Variants in MTMR7 observed in about 807,000 individuals in gnomAD.
MTMR7 encodes phosphatidylinositol-3-phosphate phosphatase MTMR7.
Under a neutral mutation model 81.2 loss-of-function variants are expected in MTMR7, and 76 were observed. The observed-to-expected ratio is 0.94, with a 90% CI of 0.78 to 1.13. MTMR7 has a LOEUF of 1.13. Among genes scored for constraint, MTMR7 ranks in the 50% most tolerant of loss-of-function variants. The pLI is 0.00. For missense variants in MTMR7, 1,044 were observed against 820.0 expected, an observed-to-expected ratio of 1.27 and a Z score of -3.34; for synonymous variants, 372 against 289.8, an observed-to-expected ratio of 1.28 and a Z score of -2.88.
chr8:17,307,614 T>C (rs1327759434), intron 10 of MTMR7, among the ~76,000 whole-genome samples: 1 of 152,092 alleles, frequency 6.6e-6, no homozygotes, highest in Non-Finnish European at 1.5e-5. Flanking sequence ...CTATTCACAA[T>C]AGCAAAGACT....
chr8:17,385,497 C>T (rs570800428), intron 1 of MTMR7, among the ~76,000 whole-genome samples: 1 of 152,172 alleles, frequency 6.6e-6, no homozygotes, highest in African/African-American at 2.4e-5. Flanking sequence ...TCTTGCCCAC[C>T]ACCACGTAAG....
At chr8:17,348,186 C>T (rs1342652107) in intron 5 of MTMR7, among the ~76,000 whole-genome samples, 1 of 152,092 alleles carries the variant, frequency 6.6e-6, no homozygotes, top group Non-Finnish European at 1.5e-5. Flanking sequence ...AAAACCCATG[C>T]TCTCTATAAC....
intron 4 of MTMR7, among the ~76,000 whole-genome samples, chr8:17,360,320 G>A (rs922282612): frequency 6.6e-6 from 1 of 152,042 alleles, no homozygotes; most frequent in African/African-American, 2.4e-5. Context: ...GCAGTTTTAG[G>A]TGATTTAATA....
chr8:17,392,139 C>A (rs896147460), intron 1 of MTMR7, among the ~76,000 whole-genome samples: 2 of 152,086 alleles, frequency 1.3e-5, no homozygotes, highest in African/African-American at 4.8e-5. Context: ...TACTTCACAG[C>A]TTGTCCTGTT....
intron 6 of MTMR7, chr8:17,339,037 C>G (rs1367251354): frequency 6.6e-6 from 1 of 152,154 alleles, no homozygotes; most frequent in Non-Finnish European, 1.5e-5. Context: ...AATCATAATA[C>G]TTGGTGACAT....
chr8:17,305,366 A>G (rs1466584934), intron 11 of MTMR7, among the ~76,000 whole-genome samples: 1 of 152,236 alleles, frequency 6.6e-6, no homozygotes, highest in East Asian at 1.9e-4. Context: ...TTTAATCTGA[A>G]TAAATTCTGG....
At chr8:17,413,239 C>T (rs369991745) in intron 1 of MTMR7, 30 bp downstream of exon 1, 239 of 1,547,978 alleles carry the variant, frequency 1.5e-4, no homozygotes, top group Non-Finnish European at 1.9e-4. Context: ...CTCCTCCCGT[C>T]CCTCCTCCGC....
intron 3 of MTMR7, among the ~76,000 whole-genome samples, 190 bp from the exon 4 acceptor site, chr8:17,361,464 C>A (rs1224302999): frequency 6.6e-6 from 1 of 152,158 alleles, no homozygotes; most frequent in Non-Finnish European, 1.5e-5. Context: ...GACAAGATGA[C>A]CTTGGGGTAC....
intron 1 of MTMR7, among the ~76,000 whole-genome samples, chr8:17,404,169 G>C (rs184210070): frequency 6.6e-6 from 1 of 152,294 alleles, no homozygotes; most frequent in South Asian, 2.1e-4. Context: ...GACCAGGCAA[G>C]AGTTGACAGT....
intron 1 of MTMR7, among the ~76,000 whole-genome samples, chr8:17,396,181 A>G (rs1269739925): frequency 6.6e-6 from 1 of 152,152 alleles, no homozygotes; most frequent in Non-Finnish European, 1.5e-5. Flanking sequence ...ATGACCAAAT[A>G]GAAGCCTCCA....
intron 7 of MTMR7, among the ~76,000 whole-genome samples, chr8:17,315,997 C>CAA: frequency 6.6e-6 from 1 of 152,160 alleles, no homozygotes; most frequent in East Asian, 1.9e-4. Context: ...TGGGTGATGA[C>CAA]AGAGCCAGAT....
chr8:17,309,177 A>T, intron 10 of MTMR7, 100 bp downstream of exon 10: 1 of 800,422 alleles, frequency 1.2e-6, no homozygotes, highest in Non-Finnish European at 2.1e-6. Context: ...AGAGACACAA[A>T]CTCAAAAAAC....
chr8:17,310,024 A>T (rs534925811), intron 9 of MTMR7, among the ~76,000 whole-genome samples: 58 of 152,142 alleles, frequency 3.8e-4, no homozygotes, highest in Non-Finnish European at 6.0e-4. Flanking sequence ...TTTTTGAGAC[A>T]GGATCTCACT....
chr8:17,385,313 GC>G (rs1820897051), intron 1 of MTMR7, among the ~76,000 whole-genome samples: 1 of 151,992 alleles, frequency 6.6e-6, no homozygotes, highest in African/African-American at 2.4e-5. Flanking sequence ...GTGTCCCCAC[GC>G]AAATCTCATC....
chr8:17,386,470 C>G (rs1465883720), intron 1 of MTMR7, among the ~76,000 whole-genome samples: 1 of 152,194 alleles, frequency 6.6e-6, no homozygotes, highest in South Asian at 2.1e-4. Flanking sequence ...GAGCAAGAGA[C>G]AGAAATCTCA....
intron 6 of MTMR7, among the ~76,000 whole-genome samples, chr8:17,333,269 G>C (rs1372919379): frequency 6.6e-6 from 1 of 152,134 alleles, no homozygotes; most frequent in African/African-American, 2.4e-5. Flanking sequence ...TGCATTTTAA[G>C]ACAACTTATG....
intron 1 of MTMR7, among the ~76,000 whole-genome samples, chr8:17,402,126 G>A (rs368311393): frequency 1.3e-5 from 2 of 151,948 alleles, no homozygotes; most frequent in African/African-American, 4.8e-5. Flanking sequence ...CACATAGTAG[G>A]TCTATATATT....
At chr8:17,404,570 T>C (rs1330374378) in intron 1 of MTMR7, among the ~76,000 whole-genome samples, 7 of 152,130 alleles carry the variant, frequency 4.6e-5, no homozygotes, top group African/African-American at 9.7e-5. Flanking sequence ...CAAACATAAA[T>C]TGATGAGAAA....
intron 4 of MTMR7, among the ~76,000 whole-genome samples, chr8:17,356,665 G>T (rs185173927): frequency 3.3e-5 from 5 of 152,182 alleles, no homozygotes; most frequent in Non-Finnish European, 2.9e-5. Flanking sequence ...AGTGAGCTGA[G>T]ATCGCCCCAC....
Sources: allele counts gnomAD v4.1 joint callset (sites outside exome capture counted in the v4.1 genomes callset), GRCh38; gene constraint gnomAD v4.1.1; transcripts MANE v1.5; gene names NCBI Gene and HGNC (gene_info 2026-07-23, HGNC 2026-07-21).